TRPM3: variants seen among roughly 807,000 people sequenced by gnomAD.
TRPM3 encodes transient receptor potential cation channel subfamily M member 3, also known as long transient receptor potential channel 3.
TRPM3 carries 77 observed loss-of-function variants against 181.2 expected under a neutral mutation model. The ratio of observed to expected loss-of-function variants is 0.42; its 90% CI spans 0.35 to 0.51. The LOEUF (loss-of-function observed/expected upper bound fraction) is 0.51. Among genes scored for constraint, TRPM3 ranks in the 20% least tolerant of loss-of-function variants. The pLI is 0.01. For synonymous variants in TRPM3, 745 were observed against 796.4 expected, an observed-to-expected ratio of 0.94 and a Z score of 1.09; for missense variants, 1,759 against 2,196.7, an observed-to-expected ratio of 0.80 and a Z score of 3.98.
intron 1 of TRPM3, among the ~76,000 whole-genome samples, chr9:71,170,146 G>A (rs529963445): frequency 6.6e-6 from 1 of 152,134 alleles, no homozygotes; most frequent in South Asian, 2.1e-4. Flanking sequence ...TGGAGGTAGA[G>A]AAGTTTGAAA....
intron 14 of TRPM3, among the ~76,000 whole-genome samples, chr9:70,621,699 A>G (rs1421496488): frequency 6.6e-6 from 1 of 152,202 alleles, no homozygotes; most frequent in African/African-American, 2.4e-5. Flanking sequence ...AACAGGTAAT[A>G]GAAGAACACT....
At position 70,530,761 on chromosome 9, in the gene TRPM3, A is replaced by G. The variant is rs1224416595; in HGVS notation, c.*5192T>C. The G allele has an allele frequency of 6.6e-6, 1 of 152,240 alleles. No individual in the cohort carries two copies. Among genetic ancestry groups the G allele is most frequent in the Non-Finnish European group, 1.5e-5 (1 of 68,040 alleles). 9.4% of individuals were successfully genotyped at this position (152,240 alleles called of 1,614,324 possible). A position where few individuals can be genotyped will look rare whatever the true frequency, so the allele number is the denominator to read the frequency against. On this transcript the variant is annotated 3_prime_UTR_variant, in exon 26 of 26. Transcript: ENST00000677713. ...CCAGCCTTTCTTTTGGTTGACTCCA[A>G]TCTGAGAGACAGAATATCCAACTTG...
chr9:71,307,508 G>A (rs1222141741), intron 1 of TRPM3, among the ~76,000 whole-genome samples: 3 of 151,942 alleles, frequency 2.0e-5, no homozygotes, highest in Non-Finnish European at 4.4e-5. Flanking sequence ...AACTGAATTT[G>A]TACCCCAAAC....
In TRPM3 at chr9:70,959,568, G is replaced by A. The variant is rs1241558519; in HGVS notation, c.178-95057C>T. Among the ~76,000 whole-genome samples the A allele has an allele frequency of 2.0e-5, 3 of 152,110 alleles. No homozygotes were observed. In the East Asian group the frequency reaches 5.8e-4, roughly 29 times the overall value. ...TCTGCCAAGTTTTTGGCTTCTGTTT[G>A]TTGTTGTTTTAAAGGTAAACACAAT... On this transcript the variant is annotated intron_variant, in intron 1 of 25. Coordinates refer to ENST00000677713, the MANE Select transcript of TRPM3 (RefSeq NM_001366145.2).
At position 70,634,416 on chromosome 9, in the gene TRPM3, A is replaced by G. The variant is rs528082140; in HGVS notation, c.1632+795T>C. Reference sequence around the variant, plus strand: ...GCATGAGTCTCTGTGCCTAGCCTATAATAATAAAATAATAATTCTATTTCA... The same window carrying G: ...GCATGAGTCTCTGTGCCTAGCCTATGATAATAAAATAATAATTCTATTTCA... On this transcript the variant is annotated intron_variant, in intron 12 of 25. Transcript: ENST00000677713. 1.4e-4 allele frequency among the ~76,000 whole-genome samples: 20 copies of G among 147,050 alleles called. No homozygotes were observed. In the East Asian group the frequency reaches 2.5e-3, roughly 18 times the overall value.
rs2097676594 is a variant in TRPM3 at position 71,006,593 on chromosome 9, G to A, written c.177+114585C>T. Among the ~76,000 whole-genome samples, 3 of 152,136 alleles carry A rather than the reference G, an allele frequency of 2.0e-5. 1 individual carries two copies. In the South Asian group the frequency reaches 6.2e-4, roughly 32 times the overall value. ...ATCTGATAAAATGGACTTTAAGCCGGGTATGGTGGCTCACGCCTGTAATCT... is the reference window on the plus strand; with the variant it reads ...ATCTGATAAAATGGACTTTAAGCCGAGTATGGTGGCTCACGCCTGTAATCT... On this transcript the variant is annotated intron_variant, in intron 1 of 25. Coordinates refer to ENST00000677713, the MANE Select transcript of TRPM3 (RefSeq NM_001366145.2).
chr9:70,687,156 A>T (rs1382080912), intron 8 of TRPM3, among the ~76,000 whole-genome samples: 1 of 152,052 alleles, frequency 6.6e-6, no homozygotes, highest in African/African-American at 2.4e-5. Context: ...TTCTTGTCTC[A>T]TAATGTGGTA....
intron 1 of TRPM3, among the ~76,000 whole-genome samples, chr9:71,144,375 A>G (rs1447911371): frequency 6.6e-6 from 1 of 152,124 alleles, no homozygotes; most frequent in Admixed American, 6.6e-5. Context: ...AACCTGATCT[A>G]TCTCTGGTTC....
At chr9:71,030,459 G>A (rs2057143909) in intron 1 of TRPM3, among the ~76,000 whole-genome samples, 1 of 151,800 alleles carries the variant, frequency 6.6e-6, no homozygotes, top group African/African-American at 2.4e-5. Context: ...TAGCTACTTG[G>A]GAGGCTGAGG....
chr9:71,308,866 A>T (rs2087641077), intron 1 of TRPM3, among the ~76,000 whole-genome samples: 1 of 151,868 alleles, frequency 6.6e-6, no homozygotes, highest in African/African-American at 2.4e-5. Context: ...ATTAAATCAC[A>T]CTCCTCCCTT....
At chr9:71,420,720 A>AGG (rs2093723805) in intron 1 of TRPM3, among the ~76,000 whole-genome samples, 1 of 135,170 alleles carries the variant, frequency 7.4e-6, no homozygotes, top group Admixed American at 7.4e-5. Context: ...AGAAAGAGAG[A>AGG]AAGAGAGAGA....
chr9:70,905,718 T>G (rs2096454757), intron 1 of TRPM3, among the ~76,000 whole-genome samples: 1 of 151,904 alleles, frequency 6.6e-6, no homozygotes, highest in African/African-American at 2.4e-5. Flanking sequence ...CTGTCTGGGA[T>G]CTGGATTCTA....
chr9:70,668,109 T>C (rs962965505), intron 9 of TRPM3, among the ~76,000 whole-genome samples: 6 of 152,212 alleles, frequency 3.9e-5, no homozygotes, highest in Non-Finnish European at 7.3e-5. Flanking sequence ...TTAGTCATCA[T>C]TGACTGTCCC....
At chr9:71,133,292 C>CTTTTTGTTTTTTTTTTTT (rs2074485036) in intron 1 of TRPM3, among the ~76,000 whole-genome samples, 1 of 72,306 alleles carries the variant, frequency 1.4e-5, no homozygotes, top group Admixed American at 2.5e-4. Flanking sequence ...TAGCAAATTG[C>CTTTTTGTTTTTTTTTTTT]TTTTTTTTTT....
intron 19 of TRPM3, among the ~76,000 whole-genome samples, chr9:70,609,446 TTTCTC>T (rs2061693582): frequency 6.6e-6 from 1 of 152,186 alleles, no homozygotes; most frequent in South Asian, 2.1e-4. Context: ...TATCCTATCT[TTTCTC>T]AAGACCACAC....
chr9:71,228,945 T>G (rs1306164084), intron 1 of TRPM3, among the ~76,000 whole-genome samples: 1 of 152,138 alleles, frequency 6.6e-6, no homozygotes, highest in Non-Finnish European at 1.5e-5. Flanking sequence ...AATGACATTC[T>G]TCACAGAAGT....
At chr9:71,199,077 C>T (rs1297723755) in intron 1 of TRPM3, among the ~76,000 whole-genome samples, 25 of 149,516 alleles carry the variant, frequency 1.7e-4, no homozygotes, top group African/African-American at 3.2e-4. Flanking sequence ...GAGTTTTTAG[C>T]ATGAAGGGTT....
intron 1 of TRPM3, among the ~76,000 whole-genome samples, chr9:71,270,276 G>C (rs905214197): frequency 1.3e-5 from 2 of 152,148 alleles, no homozygotes; most frequent in African/African-American, 2.4e-5. Flanking sequence ...CTTGAACCTG[G>C]GAGGCAGAGG....
At chr9:71,384,465 C>A (rs1181110535) in intron 1 of TRPM3, among the ~76,000 whole-genome samples, 1 of 152,178 alleles carries the variant, frequency 6.6e-6, no homozygotes, top group Non-Finnish European at 1.5e-5. Flanking sequence ...AAAACAAAAT[C>A]TCATGAGCAT....
Sources: gnomAD v4.1 joint callset for allele counts (sites outside exome capture counted in the v4.1 genomes callset) on GRCh38, gnomAD v4.1.1 for gene constraint, MANE v1.5 for transcripts, NCBI Gene and HGNC (gene_info 2026-07-23, HGNC 2026-07-21) for gene names.